Variants in MAN1A1 observed in about 807,000 individuals in gnomAD.
The protein encoded by MAN1A1 is mannosyl-oligosaccharide 1,2-alpha-mannosidase IA.
Under a neutral mutation model 70.8 loss-of-function variants are expected in MAN1A1, and 29 were observed. The ratio of observed to expected loss-of-function variants is 0.41; its 90% CI spans 0.31 to 0.56. The LOEUF is 0.56. Ranked by LOEUF, MAN1A1 falls within the 20% of genes least tolerant of loss-of-function variation. MAN1A1 has a pLI of 0.29. For missense variants in MAN1A1, 747 were observed against 841.3 expected, an observed-to-expected ratio of 0.89 and a Z score of 1.39; for synonymous variants, 349 against 330.1, an observed-to-expected ratio of 1.06 and a Z score of -0.62.
intron 2 of MAN1A1, among the ~76,000 whole-genome samples, chr6:119,325,769 C>T (rs1259432901): frequency 6.6e-6 from 1 of 152,140 alleles, no homozygotes; most frequent in Non-Finnish European, 1.5e-5. Context: ...TTGTCAAAGG[C>T]TTCAACAAAA....
intron 2 of MAN1A1, among the ~76,000 whole-genome samples, chr6:119,334,276 A>C (rs150550441): frequency 2.6e-5 from 4 of 152,356 alleles, no homozygotes; most frequent in African/African-American, 4.8e-5. Flanking sequence ...GCTTGGGAAA[A>C]GAGACCCAAA....
intron 5 of MAN1A1, among the ~76,000 whole-genome samples, chr6:119,288,008 A>G (rs779663486): frequency 1.3e-5 from 2 of 151,978 alleles, no homozygotes; most frequent in Non-Finnish European, 2.9e-5. Flanking sequence ...CGAGGTTTCA[A>G]ATTTTTGAAT....
chr6:119,297,995 T>C (rs1772269290), intron 4 of MAN1A1, among the ~76,000 whole-genome samples: 1 of 152,038 alleles, frequency 6.6e-6, no homozygotes, highest in African/African-American at 2.4e-5. Flanking sequence ...TGAGATAGCC[T>C]GGCTTAGCTA....
chr6:119,327,310 T>C (rs1773174401), intron 2 of MAN1A1: 1 of 151,622 alleles, frequency 6.6e-6, no homozygotes, highest in Non-Finnish European at 1.5e-5. Flanking sequence ...GTATGAACAC[T>C]GGAACAACAC....
chr6:119,315,377 CCA>C (rs757969056), intron 2 of MAN1A1, among the ~76,000 whole-genome samples: 18 of 152,130 alleles, frequency 1.2e-4, no homozygotes, highest in Non-Finnish European at 1.9e-4. Flanking sequence ...ACTGATAAAG[CCA>C]GTTTTAAAAA....
At chr6:119,181,646 A>C (rs1773156768) in intron 11 of MAN1A1, among the ~76,000 whole-genome samples, 1 of 152,176 alleles carries the variant, frequency 6.6e-6, no homozygotes, top group African/African-American at 2.4e-5. Context: ...GTTGGTTACC[A>C]CTAAGATGGC....
At chr6:119,327,743 T>C (rs538821022) in intron 2 of MAN1A1, among the ~76,000 whole-genome samples, 2 of 152,274 alleles carry the variant, frequency 1.3e-5, no homozygotes, top group East Asian at 1.9e-4. Flanking sequence ...GTAACAGATA[T>C]GGTGATTAGC....
intron 2 of MAN1A1, among the ~76,000 whole-genome samples, chr6:119,330,004 T>G (rs1773266021): frequency 6.6e-6 from 1 of 152,202 alleles, no homozygotes; most frequent in Non-Finnish European, 1.5e-5. Context: ...AGTGCCACAC[T>G]CTGCCAGTTT....
intron 11 of MAN1A1, among the ~76,000 whole-genome samples, chr6:119,185,682 T>C (rs1238767138): frequency 1.3e-5 from 2 of 151,962 alleles, no homozygotes; most frequent in African/African-American, 4.8e-5. Flanking sequence ...GTTCATGCCA[T>C]TCTCCTGCCT....
chr6:119,315,468 C>G (rs1462785740), intron 2 of MAN1A1, among the ~76,000 whole-genome samples: 2 of 152,128 alleles, frequency 1.3e-5, no homozygotes, highest in African/African-American at 4.8e-5. Flanking sequence ...CTAAGGAAAA[C>G]CCAGTGTTTC....
chr6:119,243,598 A>T (rs1052892912), intron 6 of MAN1A1, among the ~76,000 whole-genome samples: 3 of 152,096 alleles, frequency 2.0e-5, no homozygotes, highest in Non-Finnish European at 4.4e-5. Flanking sequence ...TACACATTAT[A>T]TGCTTCCCTA....
chr6:119,242,607 A>C (rs1775043179), intron 6 of MAN1A1, among the ~76,000 whole-genome samples: 1 of 152,176 alleles, frequency 6.6e-6, no homozygotes, highest in Non-Finnish European at 1.5e-5. Context: ...TTTCATAATG[A>C]AATATTGAGA....
chr6:119,180,015 A>G, intron 12 of MAN1A1, 70 bp from the exon 13 acceptor site: 2 of 1,476,774 alleles, frequency 1.4e-6, no homozygotes, highest in Admixed American at 1.7e-5. Flanking sequence ...AACACACAGC[A>G]AAAACCACAT....
intron 2 of MAN1A1, among the ~76,000 whole-genome samples, chr6:119,320,821 T>G (rs1215264150): frequency 6.6e-6 from 1 of 152,194 alleles, no homozygotes; most frequent in Non-Finnish European, 1.5e-5. Context: ...ACCTCAAATA[T>G]TAAGGCATCT....
At chr6:119,330,963 T>C (rs1773294407) in intron 2 of MAN1A1, among the ~76,000 whole-genome samples, 1 of 152,196 alleles carries the variant, frequency 6.6e-6, no homozygotes, top group African/African-American at 2.4e-5. Flanking sequence ...GGGCTCCATG[T>C]GGGCAGTGGT....
At chr6:119,262,419 C>T (rs562358927) in intron 5 of MAN1A1, among the ~76,000 whole-genome samples, 27 of 151,758 alleles carry the variant, frequency 1.8e-4, no homozygotes, top group African/African-American at 6.5e-4. Flanking sequence ...TTTCAAAAGC[C>T]TGTTTAAAAA....
At position 119,225,852 on chromosome 6, in the gene MAN1A1, G is replaced by A. The variant is rs145826308; in HGVS notation, c.993-20970C>T. On this transcript the variant is annotated intron_variant, in intron 6 of 12. Transcript: ENST00000368468. ...AGTGAAAGGGAAGTATTTTTGGATT[G>A]GCAAAAAATGAGATAATTTGTCACC... Among the ~76,000 whole-genome samples, 254 of 152,076 alleles carry A rather than the reference G, an allele frequency of 1.7e-3. 1 individual carries two copies. Among genetic ancestry groups the A allele is most frequent in the African/African-American group, 6.0e-3 (249 of 41,506 alleles).
chr6:119,197,675 C>T (rs954372277), intron 8 of MAN1A1, among the ~76,000 whole-genome samples: 1 of 152,140 alleles, frequency 6.6e-6, no homozygotes, highest in Admixed American at 6.5e-5. Context: ...AAGCAAAGAC[C>T]TGAACATGGC....
chr6:119,342,264 C>T lies in MAN1A1; in HGVS notation c.603+6199G>A, dbSNP rs191716442. 1.9e-3 allele frequency among the ~76,000 whole-genome samples: 289 copies of T among 152,210 alleles called. 3 individuals carry two copies. Among genetic ancestry groups the T allele is most frequent in the African/African-American group, 6.6e-3 (274 of 41,534 alleles). ...ATGTATCCCTTTAAGCACTAAAACT[C>T]AATTTTAACTATTTTTGATACCCTT... is the stretch of plus-strand genomic sequence containing the variant. On this transcript the variant is annotated intron_variant, in intron 2 of 12. Coordinates refer to ENST00000368468, the MANE Select transcript of MAN1A1 (RefSeq NM_005907.4).
Sources: gnomAD v4.1 joint callset for allele counts (sites outside exome capture counted in the v4.1 genomes callset) on GRCh38, gnomAD v4.1.1 for gene constraint, MANE v1.5 for transcripts, NCBI Gene and HGNC (gene_info 2026-07-23, HGNC 2026-07-21) for gene names.